The following SEMA3C variants were observed in gnomAD, a reference collection of about 807,000 sequenced individuals.
The protein encoded by SEMA3C is semaphorin-3C.
A neutral mutation model predicts 89.4 loss-of-function variants in SEMA3C; 47 were observed. That is an observed-to-expected ratio of 0.53 (90% CI 0.42 to 0.67). SEMA3C has a LOEUF of 0.67. Among genes scored for constraint, SEMA3C ranks in the 30% least tolerant of loss-of-function variants. The pLI, the probability that SEMA3C is intolerant of heterozygous loss-of-function variation, is 0.00. For missense variants in SEMA3C, 839 were observed against 929.1 expected, an observed-to-expected ratio of 0.90 and a Z score of 1.26; for synonymous variants, 310 against 320.2, an observed-to-expected ratio of 0.97 and a Z score of 0.34.
chr7:80,765,240 C>T lies in SEMA3C; in HGVS notation c.1358G>A (p.Arg453Gln), dbSNP rs149429389. 4.1e-5 allele frequency: 66 copies of T among 1,607,702 alleles called. No homozygotes were observed. The highest frequency in any genetic ancestry group is 5.5e-5 in the South Asian group (5 of 90,362). ...AACAACCACTTTTTGCACAGTACCCCGATCTAAATTAAAAAAAGAAGAAAT... is the reference window on the plus strand; with the variant it reads ...AACAACCACTTTTTGCACAGTACCCTGATCTAAATTAAAAAAAGAAGAAAT... ...RYHVLFLGTDRGTVQKVVVLP... is the reference protein window; with the variant it reads ...RYHVLFLGTDQGTVQKVVVLP... Residue 453 changes from arginine to glutamine, a missense_variant, in exon 13 of 18, where the codon CGG becomes CAG. Arg to Gln is a conservative substitution (Grantham distance 43). Transcript: ENST00000265361.
At chr7:80,827,399 T>TG (rs1554374547) in intron 4 of SEMA3C, 26 bp downstream of exon 4, 63 of 1,397,632 alleles carry the variant, frequency 4.5e-5, no homozygotes, top group South Asian at 3.6e-4. Context: ...AGTGTTTTTT[T>TG]TTTTTTTTTT....
In SEMA3C at chr7:80,745,898, G is replaced by A. The variant is rs978813599; in HGVS notation, c.1843-591C>T. ...ATAAACAATGTCTAAAAATTAGCTGGAATGTCATCATCTTTTAAGTCCTCT... is the reference window on the plus strand; with the variant it reads ...ATAAACAATGTCTAAAAATTAGCTGAAATGTCATCATCTTTTAAGTCCTCT... On this transcript the variant is annotated intron_variant, in intron 17 of 17. Transcript: ENST00000265361. Among the ~76,000 whole-genome samples, 3 of 152,176 alleles carry A rather than the reference G, an allele frequency of 2.0e-5. No homozygotes were observed. The East Asian group carries it at 5.8e-4, about 29-fold the overall frequency.
intron 13 of SEMA3C, among the ~76,000 whole-genome samples, chr7:80,763,586 G>A (rs1029398172): frequency 1.3e-5 from 2 of 152,174 alleles, no homozygotes; most frequent in African/African-American, 4.8e-5. Context: ...TAGTTAGCAT[G>A]TGATCAGACT....
chr7:80,853,393 A>T (rs1173883473), intron 2 of SEMA3C, among the ~76,000 whole-genome samples: 1 of 152,238 alleles, frequency 6.6e-6, no homozygotes, highest in Non-Finnish European at 1.5e-5. Context: ...ACAAACAGAT[A>T]AAGAAAATGT....
intron 15 of SEMA3C, among the ~76,000 whole-genome samples, chr7:80,754,957 G>GTTTTTTTTTTGCTTTTTTTTTT (rs1449995090): frequency 9.2e-6 from 1 of 108,368 alleles, no homozygotes; most frequent in Non-Finnish European, 1.9e-5. Context: ...GTTTTTTTTT[G>GTTTTTTTTTTGCTTTTTTTTTT]TTTTTTTTTT....
chr7:80,802,941 T>C (rs912163877), intron 8 of SEMA3C, among the ~76,000 whole-genome samples, 162 bp from the exon 9 acceptor site: 2 of 152,198 alleles, frequency 1.3e-5, no homozygotes, highest in East Asian at 1.9e-4. Context: ...TTATGACTTA[T>C]AGTATTTTAT....
At chr7:80,838,954 T>C (rs1235438448) in intron 2 of SEMA3C, among the ~76,000 whole-genome samples, 1 of 152,198 alleles carries the variant, frequency 6.6e-6, no homozygotes, top group Non-Finnish European at 1.5e-5. Context: ...TTTACTTGTG[T>C]TGTGTAATTC....
At chr7:80,791,627 C>A (rs1372386290) in intron 11 of SEMA3C, among the ~76,000 whole-genome samples, 2 of 152,200 alleles carry the variant, frequency 1.3e-5, no homozygotes, top group Non-Finnish European at 2.9e-5. Flanking sequence ...ACTTATCCAG[C>A]TGACTGCTTC....
intron 5 of SEMA3C, chr7:80,815,810 T>A (rs1255865049): frequency 6.6e-6 from 1 of 152,114 alleles, no homozygotes; most frequent in African/African-American, 2.4e-5. Context: ...GGTAAAGTTA[T>A]CTGCTTGATA....
chr7:80,842,344 T>C (rs1321625089), intron 2 of SEMA3C, among the ~76,000 whole-genome samples: 1 of 152,182 alleles, frequency 6.6e-6, no homozygotes, highest in Non-Finnish European at 1.5e-5. Context: ...ACTCAAGCTT[T>C]CAAAAGAGAT....
intron 15 of SEMA3C, among the ~76,000 whole-genome samples, chr7:80,758,061 C>T (rs1389697105): frequency 1.3e-5 from 2 of 152,094 alleles, no homozygotes; most frequent in South Asian, 4.2e-4. Context: ...TTTGATGAGT[C>T]CTAGGGGAGT....
At chr7:80,913,977 A>C (rs1467364184) in intron 2 of SEMA3C, among the ~76,000 whole-genome samples, 1 of 152,208 alleles carries the variant, frequency 6.6e-6, no homozygotes, top group Non-Finnish European at 1.5e-5. Context: ...TTCCACCCAG[A>C]GAGAGACAGG....
chr7:80,800,697 T>A lies in SEMA3C; in HGVS notation c.986+60A>T, dbSNP rs181320831. ...GCAGAGAAGAATGCTTTTATAATAA[T>A]TACTGTTACTCCATGAAGTTTATTG... is the stretch of plus-strand genomic sequence containing the variant. On this transcript the variant is annotated intron_variant, in intron 10 of 17. Coordinates refer to ENST00000265361, the MANE Select transcript of SEMA3C (RefSeq NM_006379.5). The A allele has an allele frequency of 3.4e-5, 34 of 999,012 alleles. No homozygotes were observed. The East Asian group carries it at 6.5e-4, about 19-fold the overall frequency. The allele number at this position is 999,012 out of a possible 1,614,324, so 61.9% of individuals were successfully genotyped here. A position where few individuals can be genotyped will look rare whatever the true frequency, so the allele number is the denominator to read the frequency against.
chr7:80,907,377 A>G (rs2116224146), intron 2 of SEMA3C, among the ~76,000 whole-genome samples: 1 of 152,154 alleles, frequency 6.6e-6, no homozygotes, highest in Middle Eastern at 3.4e-3. Flanking sequence ...TTCTAATAAA[A>G]TTCAAAATGC....
At chr7:80,911,510 C>T (rs897875852) in intron 2 of SEMA3C, among the ~76,000 whole-genome samples, 26 of 151,738 alleles carry the variant, frequency 1.7e-4, no homozygotes, top group African/African-American at 5.8e-4. Context: ...AACATGTGAA[C>T]AAATTTAAAA....
Position 80,751,336 on chromosome 7 carries a change from C to A in SEMA3C, c.1644G>T (p.Arg548=). 1 of 1,613,498 alleles carries A rather than the reference C, an allele frequency of 6.2e-7. No individual in the cohort carries two copies. Among genetic ancestry groups the A allele is most frequent in the Non-Finnish European group, 8.5e-7 (1 of 1,179,490 alleles). ...GTCTCACATCTTGTCTTCGGCTCCT[C>A]CTGCAAGTGCAGAAATACATAAAAG... ...SCSRFYPTGK[R]RSRRQDVRHG... The change falls in exon 16 of 18, where the codon CGG becomes CGT. Residue 548 remains arginine, a splice_region_variant and synonymous_variant. Transcript: ENST00000265361.
chr7:80,759,427 C>T (rs2117049444), intron 14 of SEMA3C, among the ~76,000 whole-genome samples: 1 of 152,228 alleles, frequency 6.6e-6, no homozygotes, highest in Admixed American at 6.5e-5. Context: ...AACTCTGGAA[C>T]CAGACTTCCT....
At chr7:80,919,326 C>T (rs1205369384), upstream of SEMA3C, 5 of 985,300 alleles carry the variant, frequency 5.1e-6, no homozygotes, top group Non-Finnish European at 6.0e-6. Context: ...AGCCCTAGCT[C>T]CGCAACCCTG....
At chr7:80,888,894 C>T (rs1357799404) in intron 2 of SEMA3C, among the ~76,000 whole-genome samples, 1 of 151,956 alleles carries the variant, frequency 6.6e-6, no homozygotes, top group East Asian at 1.9e-4. Context: ...GATGGAGTCT[C>T]ACTCAGGAAC....
Sources: allele counts gnomAD v4.1 joint callset (sites outside exome capture counted in the v4.1 genomes callset), GRCh38; gene constraint gnomAD v4.1.1; transcripts MANE v1.5; gene names NCBI Gene and HGNC (gene_info 2026-07-23, HGNC 2026-07-21).